ZNF423: variants seen among roughly 807,000 people sequenced by gnomAD.
ZNF423 encodes the protein zinc finger protein 423.
ZNF423 carries 12 observed loss-of-function variants against 95.8 expected under a neutral mutation model. The ratio of observed to expected loss-of-function variants is 0.13; its 90% CI spans 0.08 to 0.20. The LOEUF is 0.20. Ranked by LOEUF, ZNF423 falls within the 10% of genes least tolerant of loss-of-function variation. ZNF423 has a pLI of 1.00. For missense variants in ZNF423, 1,316 were observed against 1,737.1 expected (o/e 0.76, Z 4.31); for synonymous variants, 749 against 711.9 (o/e 1.05, Z -0.83).
intron 5 of ZNF423, among the ~76,000 whole-genome samples, chr16:49,589,769 GA>G (rs1970949950): frequency 6.6e-6 from 1 of 152,094 alleles, no homozygotes; most frequent in South Asian, 2.1e-4. Context: ...TGATGACACT[GA>G]AGCCGGGAAC....
chr16:49,621,683 C>T (rs543985639), intron 5 of ZNF423, among the ~76,000 whole-genome samples: 86 of 152,288 alleles, frequency 5.6e-4, no homozygotes, highest in African/African-American at 2.0e-3. Flanking sequence ...GGCAGGGCAG[C>T]CACTCTGGGC....
intron 2 of ZNF423, among the ~76,000 whole-genome samples, chr16:49,745,569 C>A (rs1201130520): frequency 1.3e-5 from 2 of 152,218 alleles, no homozygotes. Context: ...CAAACTCGTA[C>A]CTGACTGTCT....
intron 1 of ZNF423, among the ~76,000 whole-genome samples, chr16:49,797,256 A>G (rs534301373): frequency 1.3e-5 from 2 of 152,258 alleles, no homozygotes; most frequent in South Asian, 4.1e-4. Context: ...AGGGAGGCCA[A>G]GCAGGTAGAG....
intron 1 of ZNF423, among the ~76,000 whole-genome samples, chr16:49,830,660 G>T (rs1359791407): frequency 6.6e-6 from 1 of 152,168 alleles, no homozygotes; most frequent in Non-Finnish European, 1.5e-5. Context: ...ACACTGATGT[G>T]TCGGGGGGTG....
chr16:49,612,994 T>TAAA (rs535982616), intron 5 of ZNF423, among the ~76,000 whole-genome samples: 2 of 138,696 alleles, frequency 1.4e-5, no homozygotes, highest in African/African-American at 5.2e-5. Context: ...TTGAAAACTT[T>TAAA]AAAAAAAAAA....
chr16:49,752,296 C>T (rs2033647610), intron 2 of ZNF423, among the ~76,000 whole-genome samples: 1 of 152,212 alleles, frequency 6.6e-6, no homozygotes. Context: ...ACCAGTGGCC[C>T]TCCCCCACCC....
chr16:49,514,729 C>T (rs767979980), intron 7 of ZNF423, among the ~76,000 whole-genome samples: 12 of 152,234 alleles, frequency 7.9e-5, no homozygotes, highest in Non-Finnish European at 1.6e-4. Flanking sequence ...TAAATGCGCC[C>T]GCTCAACGCT....
intron 7 of ZNF423, among the ~76,000 whole-genome samples, chr16:49,508,641 A>T (rs1444500946): frequency 1.3e-5 from 2 of 152,130 alleles, no homozygotes; most frequent in Admixed American, 6.5e-5. Flanking sequence ...TGTTATAAAA[A>T]CAGTGACTTC....
intron 7 of ZNF423, among the ~76,000 whole-genome samples, chr16:49,515,296 C>T (rs1307875199): frequency 6.6e-6 from 1 of 152,270 alleles, no homozygotes; most frequent in Non-Finnish European, 1.5e-5. Context: ...TCCCCTGTTA[C>T]TGCTACTTGT....
chr16:49,511,873 C>T (rs999076829), intron 7 of ZNF423, among the ~76,000 whole-genome samples: 7 of 152,248 alleles, frequency 4.6e-5, no homozygotes, highest in African/African-American at 1.7e-4. Context: ...CAACTGTGCT[C>T]GTAACACAGT....
chr16:49,588,651 G>A (rs1165666254), intron 5 of ZNF423, among the ~76,000 whole-genome samples: 2 of 152,170 alleles, frequency 1.3e-5, no homozygotes, highest in African/African-American at 4.8e-5. Flanking sequence ...ATCCTAAACT[G>A]TTTATAACAT....
At chr16:49,501,797 T>C (rs1045212791) in intron 7 of ZNF423, among the ~76,000 whole-genome samples, 10 of 152,046 alleles carry the variant, frequency 6.6e-5, no homozygotes. Flanking sequence ...AAATACCACA[T>C]GTTCTCACTC....
chr16:49,509,466 G>C (rs922001499), intron 7 of ZNF423, among the ~76,000 whole-genome samples: 1 of 152,086 alleles, frequency 6.6e-6, no homozygotes, highest in East Asian at 1.9e-4. Context: ...CCCCATGCCC[G>C]GCCCCCAGCA....
intron 7 of ZNF423, among the ~76,000 whole-genome samples, chr16:49,502,192 C>T (rs1044257621): frequency 6.6e-6 from 1 of 152,194 alleles, no homozygotes; most frequent in Admixed American, 6.5e-5. Context: ...GCCCCAGACA[C>T]CCTGAAGTGA....
chr16:49,561,224 T>A (rs1036130457), intron 5 of ZNF423, among the ~76,000 whole-genome samples: 20 of 152,176 alleles, frequency 1.3e-4, no homozygotes, highest in Admixed American at 9.8e-4. Context: ...TAGACTGAAA[T>A]TGGCCCACAG....
intron 3 of ZNF423, among the ~76,000 whole-genome samples, chr16:49,673,811 G>GGAA (rs2030926686): frequency 6.6e-6 from 1 of 152,196 alleles, no homozygotes; most frequent in Non-Finnish European, 1.5e-5. Flanking sequence ...GTGCCCCACA[G>GGAA]GAAGAAACCC....
intron 3 of ZNF423, among the ~76,000 whole-genome samples, chr16:49,640,417 G>GAC (rs143037877): frequency 1.6e-4 from 25 of 151,520 alleles, no homozygotes; most frequent in East Asian, 5.8e-4. Context: ...TTCACCTGCA[G>GAC]ACACACACAC....
intron 5 of ZNF423, among the ~76,000 whole-genome samples, chr16:49,537,334 C>T (rs547621229): frequency 1.1e-4 from 17 of 152,296 alleles, no homozygotes; most frequent in African/African-American, 4.1e-4. Flanking sequence ...AGCCCTGTGG[C>T]TCATCGAGGA....
chr16:49,794,503 C>A (rs977730017), intron 1 of ZNF423, among the ~76,000 whole-genome samples: 1 of 152,334 alleles, frequency 6.6e-6, no homozygotes, highest in African/African-American at 2.4e-5. Context: ...CGGCCCCCCA[C>A]ACAAGCTCTG....
Sources: allele counts gnomAD v4.1 joint callset (sites outside exome capture counted in the v4.1 genomes callset), GRCh38; gene constraint gnomAD v4.1.1; transcripts MANE v1.5; gene names NCBI Gene and HGNC (gene_info 2026-07-23, HGNC 2026-07-21).